Variants in ST3GAL4 observed in about 807,000 individuals in gnomAD.
ST3GAL4 encodes the protein CMP-N-acetylneuraminate-beta-galactosamide-alpha-2,3-sialyltransferase 4.
In ST3GAL4, 24 loss-of-function variants were observed where a neutral mutation model predicts 42.6. The ratio of observed to expected loss-of-function variants is 0.56; its 90% confidence interval spans 0.41 to 0.79. ST3GAL4 has a LOEUF of 0.79. Among genes scored for constraint, ST3GAL4 ranks in the 30% least tolerant of loss-of-function variants. The pLI is 0.00. For synonymous variants in ST3GAL4, 135 were observed against 163.2 expected, an observed-to-expected ratio of 0.83 and a Z score of 1.32; for missense variants, 311 against 430.8, an observed-to-expected ratio of 0.72 and a Z score of 2.46.
chr11:126,385,775 G>T (rs1200122086), intron 1 of ST3GAL4, among the ~76,000 whole-genome samples: 3 of 152,000 alleles, frequency 2.0e-5, no homozygotes, highest in Non-Finnish European at 2.9e-5. Context: ...ACTTTGGGAG[G>T]CTGAGGTGGG....
intron 9 of ST3GAL4, 77 bp from the exon 10 acceptor site, chr11:126,413,428 C>G (rs1355271005): frequency 4.5e-5 from 70 of 1,552,186 alleles, no homozygotes; most frequent in Middle Eastern, 2.3e-4. Context: ...GCAGGAAGTT[C>G]CACTGCAGAG....
At chr11:126,356,530 C>T (rs185077671) in intron 1 of ST3GAL4, among the ~76,000 whole-genome samples, 271 of 152,350 alleles carry the variant, frequency 1.8e-3, no homozygotes, top group African/African-American at 6.2e-3. Flanking sequence ...CAGCACTGCC[C>T]CTCCATTCCC....
At chr11:126,388,031 A>G (rs1394229228) in intron 1 of ST3GAL4, among the ~76,000 whole-genome samples, 1 of 152,226 alleles carries the variant, frequency 6.6e-6, no homozygotes, top group Non-Finnish European at 1.5e-5. Context: ...TTTCCATCTT[A>G]ACCCCTAGAA....
chr11:126,374,822 C>T (rs1430151398), intron 1 of ST3GAL4, among the ~76,000 whole-genome samples: 7 of 152,020 alleles, frequency 4.6e-5, no homozygotes, highest in Admixed American at 4.6e-4. Context: ...CGTCTGTATC[C>T]GAGTGTTGAT....
Position 126,392,221 on chromosome 11 carries a change from G to A in ST3GAL4, c.-60-13875G>A, listed in dbSNP as rs988114052. ...GGGGTTTCATCTCAGGTTGACCCCC[G>A]TTAGGAGGAAGTAAGTAGGAAGGAA... is the stretch of plus-strand genomic sequence containing the variant. On this transcript the variant is annotated intron_variant, in intron 1 of 10. Coordinates refer to ENST00000444328, the MANE Select transcript of ST3GAL4 (RefSeq NM_001254757.2). The surrounding 1 kb of genome is among the most constrained non-coding windows in gnomAD (Gnocchi z 5.8). 9.2e-6 allele frequency: 7 copies of A among 763,370 alleles called. No homozygotes were observed. Among genetic ancestry groups the A allele is most frequent in the East Asian group, 2.6e-4 (2 of 7,746 alleles). 47.3% of individuals were successfully genotyped at this position (763,370 alleles called of 1,614,324 possible). A position where few individuals can be genotyped will look rare whatever the true frequency, so the allele number is the denominator to read the frequency against.
At chr11:126,358,697 A>T (rs191265076) in intron 1 of ST3GAL4, among the ~76,000 whole-genome samples, 2 of 152,288 alleles carry the variant, frequency 1.3e-5, no homozygotes, top group East Asian at 3.9e-4. Flanking sequence ...TCGGGGTTAG[A>T]GGGTGTGGGT....
At chr11:126,407,543 C>T (rs1369782786) in intron 5 of ST3GAL4, 31 bp from the exon 6 acceptor site, 11 of 1,613,686 alleles carry the variant, frequency 6.8e-6, no homozygotes, top group Non-Finnish European at 7.6e-6. Context: ...CTATCTGTCA[C>T]ATCAGTCCCT....
intron 1 of ST3GAL4, among the ~76,000 whole-genome samples, chr11:126,356,973 T>C (rs931982182): frequency 6.6e-6 from 1 of 152,172 alleles, no homozygotes; most frequent in Non-Finnish European, 1.5e-5. Context: ...TGAGTTGATA[T>C]ATGCTAAGTG....
Position 126,406,393 on chromosome 11 carries a change from G to A in ST3GAL4, c.17-80G>A. 2 of 1,608,246 alleles carry A rather than the reference G, an allele frequency of 1.2e-6. No homozygotes were observed. The highest frequency in any genetic ancestry group is 1.7e-6 in the Non-Finnish European group (2 of 1,177,524). On this transcript the variant is annotated intron_variant, in intron 2 of 10. Coordinates refer to ENST00000444328, the MANE Select transcript of ST3GAL4 (RefSeq NM_001254757.2). The surrounding 1 kb of genome is among the most constrained non-coding windows in gnomAD (Gnocchi z 5.4). ...TTGAGTTAGGGGTCGGAGGGACTCA[G>A]AAGGGGGCAGGTGGGAAGGTGGACG...
chr11:126,412,902 T>C (rs770815238), intron 9 of ST3GAL4, among the ~76,000 whole-genome samples: 9 of 152,204 alleles, frequency 5.9e-5, no homozygotes, highest in Non-Finnish European at 1.0e-4. Context: ...GATGAGATAA[T>C]GTTTTATAGT....
rs11220479 is a variant in ST3GAL4 at position 126,407,467 on chromosome 11, A to G, written c.281-107A>G. 1,394 of 1,563,148 alleles carry G rather than the reference A, an allele frequency of 8.9e-4. 18 individuals carry two copies. The African/African-American group carries it at 0.017, about 19-fold the overall frequency. On this transcript the variant is annotated intron_variant, in intron 5 of 10. Transcript: ENST00000444328. ...TGAGCCTGACTCGGGTACCAGGGTC[A>G]GGGGAAGAAGAAGGCAGCCAGCGCT...
At chr11:126,404,215 T>TAGC (rs1228545955) in intron 1 of ST3GAL4, among the ~76,000 whole-genome samples, 1 of 152,182 alleles carries the variant, frequency 6.6e-6, no homozygotes, top group Non-Finnish European at 1.5e-5. Flanking sequence ...GGCCAAAGAA[T>TAGC]CCACTTGTCT....
intron 1 of ST3GAL4, chr11:126,356,451 G>C (rs1952066185): frequency 6.5e-6 from 1 of 152,680 alleles, no homozygotes; most frequent in South Asian, 2.1e-4. Context: ...GCTGTCTGCT[G>C]TGGGTGTTTC....
At chr11:126,377,479 CTTTTTTTTTT>C (rs59029262) in intron 1 of ST3GAL4, among the ~76,000 whole-genome samples, 2 of 117,652 alleles carry the variant, frequency 1.7e-5, no homozygotes, top group African/African-American at 3.3e-5. Flanking sequence ...CCAACACCTT[CTTTTTTTTTT>C]TTTTTTTTTG....
rs545940103 is a variant in ST3GAL4 at position 126,391,247 on chromosome 11, C to A, written c.-60-14849C>A. Among the ~76,000 whole-genome samples the A allele has an allele frequency of 2.9e-4, 44 of 152,044 alleles. No homozygotes were observed. The highest frequency in any genetic ancestry group is 9.9e-4 in the African/African-American group (41 of 41,488). The stretch of plus-strand genomic sequence containing the variant: ...GATCCTATCCTGTCCCTTGCTTTTC[C>A]CTTTGCTTCCTTGTTTTTTTTTTTT... On this transcript the variant is annotated intron_variant, in intron 1 of 10. Transcript: ENST00000444328. This position sits in a 1 kb window ranked among gnomAD's most constrained non-coding sequence, Gnocchi z 5.5.
In ST3GAL4 at chr11:126,376,045, G is replaced by T. The variant is rs1053167292; in HGVS notation, c.-61+20203G>T. The stretch of plus-strand genomic sequence containing the variant: ...CTGCCACATTCTTGGCAGTTTAATA[G>T]AATCTAGAGATATAAAGAAGTTCCT... On this transcript the variant is annotated intron_variant, in intron 1 of 10. Coordinates refer to ENST00000444328, the MANE Select transcript of ST3GAL4 (RefSeq NM_001254757.2). The surrounding 1 kb of genome is among the most constrained non-coding windows in gnomAD (Gnocchi z 5.1). Among the ~76,000 whole-genome samples, 5 of 152,206 alleles carry T rather than the reference G, an allele frequency of 3.3e-5. No individual in the cohort carries two copies. Among genetic ancestry groups the T allele is most frequent in the African/African-American group, 1.2e-4 (5 of 41,522 alleles).
rs140988746 is a variant in ST3GAL4, at chr11:126,409,807, C to T, written c.771+396C>T. On this transcript the variant is annotated intron_variant, in intron 9 of 10. Coordinates refer to ENST00000444328, the MANE Select transcript of ST3GAL4 (RefSeq NM_001254757.2). This position sits in a 1 kb window ranked among gnomAD's most constrained non-coding sequence, Gnocchi z 4.9. ...TCTTATCTTGAAACACTAGTCTGAA[C>T]GAGTTATAAGAGTTGGAGCTAAACA... Among the ~76,000 whole-genome samples, 98 of 152,228 alleles carry T rather than the reference C, an allele frequency of 6.4e-4. 1 individual carries two copies. The East Asian group carries it at 0.011, about 17-fold the overall frequency.
intron 1 of ST3GAL4, chr11:126,356,191 A>G (rs1275030459): frequency 2.6e-5 from 4 of 152,290 alleles, no homozygotes; most frequent in African/African-American, 4.8e-5. Flanking sequence ...GGTTTCTCCC[A>G]CAACTACCCC....
Position 126,409,201 on chromosome 11 carries a change from C to T in ST3GAL4, c.628-67C>T. ...GACCCCCTCGCCTCGCTGAGGACCA[C>T]TGGGTTGGATTTGAGAAACAGGGCT... is the stretch of plus-strand genomic sequence containing the variant. On this transcript the variant is annotated intron_variant, in intron 8 of 10. Coordinates refer to ENST00000444328, the MANE Select transcript of ST3GAL4 (RefSeq NM_001254757.2). This position sits in a 1 kb window ranked among gnomAD's most constrained non-coding sequence, Gnocchi z 4.9. 1.9e-6 allele frequency: 3 copies of T among 1,593,922 alleles called. No individual in the cohort carries two copies. Among genetic ancestry groups the T allele is most frequent in the Non-Finnish European group, 2.6e-6 (3 of 1,165,672 alleles).
Sources: allele counts gnomAD v4.1 joint callset (sites outside exome capture counted in the v4.1 genomes callset), GRCh38; gene constraint gnomAD v4.1.1; non-coding constraint Gnocchi (gnomAD v3.1); transcripts MANE v1.5; gene names NCBI Gene and HGNC (gene_info 2026-07-23, HGNC 2026-07-21).